The following CCDC171 variants were observed in gnomAD, a reference collection of about 807,000 sequenced individuals.
CCDC171 encodes the protein coiled-coil domain-containing protein 171.
A neutral mutation model predicts 168.2 loss-of-function variants in CCDC171; 177 were observed. The ratio of observed to expected loss-of-function variants is 1.05; its 90% confidence interval spans 0.93 to 1.19. The LOEUF is 1.19. Among genes scored for constraint, CCDC171 ranks in the 50% most tolerant of loss-of-function variants. The pLI is 0.00. For synonymous variants in CCDC171, 687 were observed against 540.8 expected (o/e 1.27, Z -3.75); for missense variants, 1,991 against 1,539.0 (o/e 1.29, Z -4.91).
At chr9:15,598,335 T>C (rs1254978979) in intron 6 of CCDC171, among the ~76,000 whole-genome samples, 1 of 152,268 alleles carries the variant, frequency 6.6e-6, no homozygotes, top group East Asian at 1.9e-4. Flanking sequence ...TCCCAGAGAT[T>C]CTGGTATGTT....
At chr9:16,049,033 GTCTAAAATCCTTAACA>G (rs1156557546) in intron 1 of CCDC171, among the ~76,000 whole-genome samples, 1 of 150,854 alleles carries the variant, frequency 6.6e-6, no homozygotes, top group Non-Finnish European at 1.5e-5. Context: ...AATCCCTAAA[GTCTAAAATCCTTAACA>G]TCTAAAATCC....
intron 1 of CCDC171, among the ~76,000 whole-genome samples, chr9:15,560,156 T>G (rs1489947861): frequency 6.6e-6 from 1 of 152,144 alleles, no homozygotes; most frequent in Non-Finnish European, 1.5e-5. Context: ...TGGCTGCCCT[T>G]AATATTTTTT....
chr9:15,711,583 A>T (rs1375985887), intron 11 of CCDC171, among the ~76,000 whole-genome samples: 1 of 152,216 alleles, frequency 6.6e-6, no homozygotes. Flanking sequence ...ATTATAAGAT[A>T]AGAACATGTA....
At chr9:15,671,940 A>G (rs1485456622) in intron 9 of CCDC171, among the ~76,000 whole-genome samples, 1 of 152,164 alleles carries the variant, frequency 6.6e-6, no homozygotes, top group Non-Finnish European at 1.5e-5. Context: ...TGTCTTCCAC[A>G]ATGGTTGAAC....
At chr9:15,831,009 G>A (rs920695890) in intron 21 of CCDC171, among the ~76,000 whole-genome samples, 6 of 120,240 alleles carry the variant, frequency 5.0e-5, no homozygotes, top group Admixed American at 3.6e-4. Context: ...TCGCTCTGCC[G>A]CCCAGGCTGG....
chr9:15,638,946 C>G (rs1308609483), intron 7 of CCDC171, among the ~76,000 whole-genome samples: 3 of 151,910 alleles, frequency 2.0e-5, no homozygotes, highest in Non-Finnish European at 4.4e-5. Flanking sequence ...AGAGAAGATG[C>G]AAACCTAATT....
the CCDC171 span, among the ~76,000 whole-genome samples, chr9:16,087,973 A>G: frequency 1.3e-5 from 2 of 152,148 alleles, no homozygotes; most frequent in Non-Finnish European, 2.9e-5. Context: ...AAAATCCTCA[A>G]TAAAATACTG....
At chr9:15,906,386 C>A (rs910289424) in intron 24 of CCDC171, among the ~76,000 whole-genome samples, 1 of 152,110 alleles carries the variant, frequency 6.6e-6, no homozygotes, top group Non-Finnish European at 1.5e-5. Context: ...AATCAATAAA[C>A]GTAATCCAGC....
At chr9:15,709,277 A>T (rs2052476923) in intron 11 of CCDC171, among the ~76,000 whole-genome samples, 1 of 152,348 alleles carries the variant, frequency 6.6e-6, no homozygotes, top group South Asian at 2.1e-4. Context: ...TAAGGAAACT[A>T]AAAATAGGAT....
chr9:15,914,948 G>A (rs1203098719), intron 24 of CCDC171, among the ~76,000 whole-genome samples: 1 of 152,090 alleles, frequency 6.6e-6, no homozygotes, highest in African/African-American at 2.4e-5. Flanking sequence ...GCCCCACTCT[G>A]CTTCTGCTCA....
intron 18 of CCDC171, among the ~76,000 whole-genome samples, chr9:15,770,866 T>C (rs753137053): frequency 6.6e-6 from 1 of 152,170 alleles, no homozygotes; most frequent in Non-Finnish European, 1.5e-5. Context: ...CCTCCAACCA[T>C]TCTTAACATT....
At chr9:15,734,687 T>C (rs1055897775) in intron 16 of CCDC171, among the ~76,000 whole-genome samples, 2 of 152,196 alleles carry the variant, frequency 1.3e-5, no homozygotes, top group Admixed American at 1.3e-4. Context: ...ATAATACATA[T>C]TATAGGACCT....
At chr9:15,860,114 G>A (rs2061498961) in intron 23 of CCDC171, among the ~76,000 whole-genome samples, 1 of 148,900 alleles carries the variant, frequency 6.7e-6, no homozygotes, top group Non-Finnish European at 1.5e-5. Context: ...TTATTTCTGT[G>A]GTATCAGTTA....
intron 3 of CCDC171, among the ~76,000 whole-genome samples, chr9:16,000,207 A>T (rs1416683598): frequency 6.6e-6 from 1 of 152,138 alleles, no homozygotes; most frequent in African/African-American, 2.4e-5. Flanking sequence ...ACACATTTCC[A>T]TATGTCTTCC....
chr9:15,613,625 C>T (rs1272918869), intron 6 of CCDC171, among the ~76,000 whole-genome samples: 7 of 151,224 alleles, frequency 4.6e-5, no homozygotes, highest in East Asian at 1.9e-4. Context: ...TGGGTTCAAG[C>T]GGTTCTCCTG....
At chr9:16,016,674 G>C (rs1431520590) in intron 3 of CCDC171, among the ~76,000 whole-genome samples, 2 of 152,236 alleles carry the variant, frequency 1.3e-5, no homozygotes, top group African/African-American at 4.8e-5. Context: ...GGTGTCTGTT[G>C]GATTTCCCTA....
chr9:15,701,243 T>C (rs2051711376), intron 11 of CCDC171, among the ~76,000 whole-genome samples: 1 of 152,218 alleles, frequency 6.6e-6, no homozygotes, highest in Non-Finnish European at 1.5e-5. Context: ...CTATGTAGTT[T>C]AATATAGTCC....
intron 11 of CCDC171, among the ~76,000 whole-genome samples, chr9:15,711,487 G>T (rs554835620): frequency 3.9e-5 from 6 of 152,098 alleles, no homozygotes; most frequent in Non-Finnish European, 1.5e-5. Flanking sequence ...TTTCTCTTTA[G>T]GAGAAATTGT....
chr9:15,735,584 C>A (rs1430616650), intron 16 of CCDC171, among the ~76,000 whole-genome samples: 1 of 152,114 alleles, frequency 6.6e-6, no homozygotes, highest in Non-Finnish European at 1.5e-5. Flanking sequence ...TGCTATATTG[C>A]ATTTTATTCT....
Sources: gnomAD v4.1 joint callset for allele counts (sites outside exome capture counted in the v4.1 genomes callset) on GRCh38, gnomAD v4.1.1 for gene constraint, MANE v1.5 for transcripts, NCBI Gene and HGNC (gene_info 2026-07-23, HGNC 2026-07-21) for gene names.